BMPR2: variants seen among roughly 807,000 people sequenced by gnomAD.
BMPR2 encodes bone morphogenetic protein receptor type 2.
Under a neutral mutation model 100.8 loss-of-function variants are expected in BMPR2, and 29 were observed. That is an observed-to-expected ratio of 0.29 (90% CI 0.21 to 0.39). The LOEUF is 0.39. Ranked by LOEUF, BMPR2 falls within the 10% of genes least tolerant of loss-of-function variation. The probability of loss-of-function intolerance (pLI) is 1.00; values close to 1 mark genes in which losing one functional copy is unlikely to be tolerated. For missense variants in BMPR2, 1,011 were observed against 1,274.5 expected, an observed-to-expected ratio of 0.79 and a Z score of 3.15; for synonymous variants, 382 against 442.3, an observed-to-expected ratio of 0.86 and a Z score of 1.71.
intron 1 of BMPR2, among the ~76,000 whole-genome samples, chr2:202,406,751 G>A (rs2105914129): frequency 6.6e-6 from 1 of 152,248 alleles, no homozygotes; most frequent in Admixed American, 6.5e-5. Context: ...TAGAGGCTGT[G>A]ACTTGGTAAT....
chr2:202,441,006 G>A (rs1691728888), intron 1 of BMPR2, among the ~76,000 whole-genome samples: 1 of 150,382 alleles, frequency 6.6e-6, no homozygotes, highest in South Asian at 2.1e-4. Context: ...TGGAGACGGA[G>A]TCTTGCTCTG....
intron 3 of BMPR2, among the ~76,000 whole-genome samples, chr2:202,474,002 G>A (rs1322542709): frequency 6.6e-6 from 1 of 150,748 alleles, no homozygotes; most frequent in Non-Finnish European, 1.5e-5. Context: ...CTGTTCGGGA[G>A]GCTGAGGCAG....
intron 7 of BMPR2, among the ~76,000 whole-genome samples, chr2:202,530,568 T>C (rs1360384186): frequency 6.6e-6 from 1 of 152,178 alleles, no homozygotes; most frequent in Non-Finnish European, 1.5e-5. Flanking sequence ...AGTGGCAGCA[T>C]GTTTGTTAGT....
intron 8 of BMPR2, among the ~76,000 whole-genome samples, chr2:202,531,196 G>A (rs1196293407): frequency 6.6e-5 from 10 of 152,078 alleles, no homozygotes; most frequent in South Asian, 2.1e-4. Flanking sequence ...CCAGCTACTC[G>A]GGAGTCTGAG....
At chr2:202,481,168 T>C (rs373966534) in intron 3 of BMPR2, among the ~76,000 whole-genome samples, 1 of 150,392 alleles carries the variant, frequency 6.6e-6, no homozygotes, top group East Asian at 1.9e-4. Context: ...TCTCTTCTCT[T>C]TTCTCTTCTC....
At chr2:202,467,086 C>A in intron 2 of BMPR2, 1 of 249,406 alleles carries the variant, frequency 4.0e-6, no homozygotes. Context: ...CATGGAGAAA[C>A]CCCATCTCTA....
Position 202,446,607 on chromosome 2 carries a change from G to A in BMPR2, c.77-18202G>A, listed in dbSNP as rs183766302. Reference sequence around the variant, plus strand: ...TACTCATGATCCTACCACATTTGGGGATATAGTCTGTAGACCCTTTTTGTG... The same window carrying A: ...TACTCATGATCCTACCACATTTGGGAATATAGTCTGTAGACCCTTTTTGTG... On this transcript the variant is annotated intron_variant, in intron 1 of 12. Transcript: ENST00000374580. Among the ~76,000 whole-genome samples the A allele has an allele frequency of 2.8e-4, 42 of 149,886 alleles. 4 individuals are homozygous for A. The highest frequency in any genetic ancestry group is 1.1e-3 in the African/African-American group (42 of 39,432).
At position 202,506,475 on chromosome 2, in the gene BMPR2, G is replaced by GT. The variant is rs554119238; in HGVS notation, c.419-7237dup. Among the ~76,000 whole-genome samples, 59 of 151,888 alleles carry GT rather than the reference G, an allele frequency of 3.9e-4. 1 individual carries two copies. The East Asian group carries it at 8.7e-3, about 23-fold the overall frequency. On this transcript the variant is annotated intron_variant, in intron 3 of 12. Coordinates refer to ENST00000374580, the MANE Select transcript of BMPR2 (RefSeq NM_001204.7). Reference sequence around the variant, plus strand: ...CTGGCCTTTTGTTTTGTTTTGTTTTGTTTTTTTATAAGGGCCCAAACCCAT... The same window carrying GT: ...CTGGCCTTTTGTTTTGTTTTGTTTTGTTTTTTTTATAAGGGCCCAAACCCAT...
intron 1 of BMPR2, among the ~76,000 whole-genome samples, chr2:202,403,184 C>A (rs1487692040): frequency 9.6e-6 from 1 of 104,582 alleles, no homozygotes; most frequent in African/African-American, 3.7e-5. Flanking sequence ...CCCTTCCCCT[C>A]CCCTCCCCTC....
At chr2:202,552,573 T>G in intron 10 of BMPR2, 143 bp from the exon 11 acceptor site, 1 of 813,838 alleles carries the variant, frequency 1.2e-6, no homozygotes, top group Non-Finnish European at 2.0e-6. Context: ...CCGTAATCCT[T>G]GAAGCCTAAA....
rs766357487 is a variant in BMPR2 at position 202,542,327 on chromosome 2, G to A, written c.1293G>A (p.Glu431=). 3 of 1,613,872 alleles carry A rather than the reference G, an allele frequency of 1.9e-6. No individual in the cohort carries two copies. The African/African-American group carries it at 4.0e-5, about 22-fold the overall frequency. ...TDLFPGESVP[E]YQMAFQTEVG... ...AATCCACAGGGGAATCCGTACCAGAGTACCAGATGGCTTTTCAGACAGAGG... is the reference window on the plus strand; with the variant it reads ...AATCCACAGGGGAATCCGTACCAGAATACCAGATGGCTTTTCAGACAGAGG... Residue 431 remains glutamate (E), a synonymous_variant, in exon 10 of 13, where the codon GAG becomes GAA. Transcript: ENST00000374580.
intron 1 of BMPR2, among the ~76,000 whole-genome samples, chr2:202,394,014 T>C (rs372383536): frequency 1.9e-4 from 29 of 152,038 alleles, no homozygotes; most frequent in African/African-American, 5.1e-4. Flanking sequence ...TTTCTGTTGC[T>C]AATGAATATT....
At chr2:202,382,152 C>G (rs1354873356) in intron 1 of BMPR2, among the ~76,000 whole-genome samples, 10 of 151,450 alleles carry the variant, frequency 6.6e-5, no homozygotes. Flanking sequence ...CTCCACCTCC[C>G]AGGTTCAAGC....
intron 3 of BMPR2, among the ~76,000 whole-genome samples, chr2:202,479,485 G>C (rs1318934727): frequency 6.6e-6 from 1 of 151,304 alleles, no homozygotes; most frequent in African/African-American, 2.5e-5. Flanking sequence ...GAGCAGTTTA[G>C]GTTGATAGCA....
chr2:202,480,953 T>TAAAAAAAAA (rs71035011), intron 3 of BMPR2, among the ~76,000 whole-genome samples: 1 of 43,356 alleles, frequency 2.3e-5, no homozygotes, highest in African/African-American at 1.0e-4. Flanking sequence ...AGACTCCGTC[T>TAAAAAAAAA]AAAAAAAAAA....
intron 10 of BMPR2, among the ~76,000 whole-genome samples, chr2:202,549,447 G>C (rs1225795334): frequency 6.6e-6 from 1 of 152,080 alleles, no homozygotes; most frequent in African/African-American, 2.4e-5. Context: ...ATTTACTTAG[G>C]TAAATATCTA....
At chr2:202,518,487 C>T (rs1000163357) in intron 5 of BMPR2, among the ~76,000 whole-genome samples, 2 of 152,168 alleles carry the variant, frequency 1.3e-5, no homozygotes, top group Non-Finnish European at 2.9e-5. Flanking sequence ...GTGCTGATTT[C>T]AGCCTGCCCT....
At chr2:202,535,293 C>T (rs949521154) in intron 9 of BMPR2, among the ~76,000 whole-genome samples, 4 of 150,740 alleles carry the variant, frequency 2.7e-5, no homozygotes, top group South Asian at 2.1e-4. Context: ...TCAGACGGGG[C>T]GGCTGCCGGG....
chr2:202,391,939 T>C (rs1310497591), intron 1 of BMPR2, among the ~76,000 whole-genome samples: 4 of 151,634 alleles, frequency 2.6e-5, no homozygotes, highest in Non-Finnish European at 5.9e-5. Flanking sequence ...TTTTTGTATT[T>C]TTAGTAGAGA....
Sources: allele counts gnomAD v4.1 joint callset (sites outside exome capture counted in the v4.1 genomes callset), GRCh38; gene constraint gnomAD v4.1.1; transcripts MANE v1.5; gene names NCBI Gene and HGNC (gene_info 2026-07-23, HGNC 2026-07-21).